ST3GAL2: variants seen among roughly 807,000 people sequenced by gnomAD.
ST3GAL2 encodes ST3 beta-galactoside alpha-2,3-sialyltransferase 2.
Under a neutral mutation model 37.5 loss-of-function variants are expected in ST3GAL2, and 16 were observed. The ratio of observed to expected loss-of-function variants is 0.43; its 90% CI spans 0.29 to 0.65. The LOEUF is 0.65. Ranked by LOEUF, ST3GAL2 falls within the 30% of genes least tolerant of loss-of-function variation. The pLI, the probability that ST3GAL2 is intolerant of heterozygous loss-of-function variation, is 0.17. For synonymous variants in ST3GAL2, 238 were observed against 202.9 expected (o/e 1.17, Z -1.47); for missense variants, 383 against 487.8 (o/e 0.79, Z 2.02).
At position 70,380,488 on chromosome 16, in the gene ST3GAL2, G is replaced by A. The variant is rs1002162853; in HGVS notation, c.*1201C>T. 6.6e-6 allele frequency: 1 copy of A among 152,306 alleles called. No homozygotes were observed. The highest frequency in any genetic ancestry group is 1.5e-5 in the Non-Finnish European group (1 of 68,098). 9.4% of individuals were successfully genotyped at this position (152,306 alleles called of 1,614,324 possible). A position where few individuals can be genotyped will look rare whatever the true frequency, so the allele number is the denominator to read the frequency against. Reference sequence around the variant, plus strand: ...ACCAGCAGCCCCGTCAGGGACCTAAGCTGGGTTCAGCCATGCAAGCAGCTT... The same window carrying A: ...ACCAGCAGCCCCGTCAGGGACCTAAACTGGGTTCAGCCATGCAAGCAGCTT... On this transcript the variant is annotated 3_prime_UTR_variant, in exon 7 of 7. Coordinates refer to ENST00000342907, the MANE Select transcript of ST3GAL2 (RefSeq NM_006927.4).
intron 1 of ST3GAL2, chr16:70,399,914 G>T (rs530952940): frequency 2.6e-5 from 4 of 152,968 alleles, no homozygotes; most frequent in Non-Finnish European, 5.8e-5. Context: ...GCCCCCCACA[G>T]CACTCTCTGG....
intron 1 of ST3GAL2, among the ~76,000 whole-genome samples, chr16:70,437,973 C>T (rs2047837496): frequency 6.6e-6 from 1 of 152,194 alleles, no homozygotes; most frequent in Non-Finnish European, 1.5e-5. Flanking sequence ...TGCCTGCCCC[C>T]AGCACCTCTC....
rs1203781318 is a variant in ST3GAL2 at position 70,438,971 on chromosome 16, G to A, written c.-1026C>T. The A allele has an allele frequency of 7.0e-6, 1 of 143,076 alleles. No individual in the cohort carries two copies. Among genetic ancestry groups the A allele is most frequent in the Admixed American group, 7.1e-5 (1 of 14,032 alleles). The allele number at this position is 143,076 out of a possible 1,614,324, so 8.9% of individuals were successfully genotyped here. Reference sequence around the variant, plus strand: ...CACCTCAGTCAGCGCCCGGCGCCGCGCGGGCCATGCTCGCCGCTCCGGCCG... The same window carrying A: ...CACCTCAGTCAGCGCCCGGCGCCGCACGGGCCATGCTCGCCGCTCCGGCCG... On this transcript the variant is annotated 5_prime_UTR_variant, in exon 1 of 7. Transcript: ENST00000342907.
rs983696631 is a variant in ST3GAL2 at position 70,379,426 on chromosome 16, G to A, written c.*2263C>T. 1 of 152,094 alleles carries A rather than the reference G, an allele frequency of 6.6e-6. No individual in the cohort carries two copies. Among genetic ancestry groups the A allele is most frequent in the African/African-American group, 2.4e-5 (1 of 41,396 alleles). The allele number at this position is 152,094 out of a possible 1,614,324, so 9.4% of individuals were successfully genotyped here. On this transcript the variant is annotated 3_prime_UTR_variant, in exon 7 of 7. Transcript: ENST00000342907. ...TCTCGCCCCTCCCATATCCCCCAACGTTCTCAGCCATTATCAGTCACAGCT... is the reference window on the plus strand; with the variant it reads ...TCTCGCCCCTCCCATATCCCCCAACATTCTCAGCCATTATCAGTCACAGCT...
At chr16:70,417,376 G>A (rs1190145437) in intron 1 of ST3GAL2, among the ~76,000 whole-genome samples, 1 of 151,708 alleles carries the variant, frequency 6.6e-6, no homozygotes. Context: ...CCGGCCTCCA[G>A]GAAGGTTGCG....
chr16:70,412,844 C>T (rs576748463), intron 1 of ST3GAL2, among the ~76,000 whole-genome samples: 3 of 151,594 alleles, frequency 2.0e-5, no homozygotes, highest in African/African-American at 7.3e-5. Flanking sequence ...CTCAGGAGTT[C>T]GAGACCAGCT....
At chr16:70,418,783 C>T (rs75621829) in intron 1 of ST3GAL2, among the ~76,000 whole-genome samples, 1 of 152,240 alleles carries the variant, frequency 6.6e-6, no homozygotes, top group East Asian at 1.9e-4. Context: ...GCTGTCCTCC[C>T]TAGAAGAGGG....
chr16:70,410,360 C>G (rs2047629048), intron 1 of ST3GAL2, among the ~76,000 whole-genome samples: 1 of 146,188 alleles, frequency 6.8e-6, no homozygotes, highest in Non-Finnish European at 1.5e-5. Context: ...ATGCCATTCT[C>G]CTGCCTCAGC....
At position 70,383,284 on chromosome 16, in the gene ST3GAL2, C is replaced by T. The variant is rs776153695; in HGVS notation, c.714-49G>A. 7 of 1,563,484 alleles carry T rather than the reference C, an allele frequency of 4.5e-6. No homozygotes were observed. In the South Asian group the frequency reaches 7.9e-5, roughly 18 times the overall value. The stretch of plus-strand genomic sequence containing the variant: ...TAACATTTCAGGCTGGGCACGGTGG[C>T]TCACACCTGTAATCCCAGCACTTTG... On this transcript the variant is annotated intron_variant, in intron 4 of 6. Transcript: ENST00000342907.
intron 4 of ST3GAL2, among the ~76,000 whole-genome samples, chr16:70,384,194 C>T (rs940392953): frequency 6.6e-6 from 1 of 151,912 alleles, no homozygotes; most frequent in African/African-American, 2.4e-5. Flanking sequence ...GTGATGATAC[C>T]CAAAAGGTAG....
chr16:70,421,744 T>C (rs2047716164), intron 1 of ST3GAL2, among the ~76,000 whole-genome samples: 2 of 152,118 alleles, frequency 1.3e-5, no homozygotes, highest in Admixed American at 6.5e-5. Flanking sequence ...AGTGCTAGGA[T>C]CATGGCTCAC....
intron 1 of ST3GAL2, among the ~76,000 whole-genome samples, chr16:70,434,263 C>A (rs553887699): frequency 2.0e-5 from 3 of 152,148 alleles, no homozygotes; most frequent in East Asian, 3.9e-4. Context: ...ATGGCAAAAC[C>A]CCGTCTCTAG....
Position 70,381,451 on chromosome 16 carries a change from G to C in ST3GAL2, c.*238C>G. ...CGAAGGCCATTGATTGGAGGAGACT[G>C]GACACAGCGCCGGAAGTTTTCCTTG... is the stretch of plus-strand genomic sequence containing the variant. On this transcript the variant is annotated 3_prime_UTR_variant, in exon 7 of 7. Transcript: ENST00000342907. 1.8e-6 allele frequency: 1 copy of C among 564,446 alleles called. No homozygotes were observed. Among genetic ancestry groups the C allele is most frequent in the Non-Finnish European group, 3.1e-6 (1 of 318,228 alleles). 35.0% of individuals were successfully genotyped at this position (564,446 alleles called of 1,614,324 possible).
intron 1 of ST3GAL2, among the ~76,000 whole-genome samples, chr16:70,416,936 G>A (rs533139197): frequency 5.3e-5 from 8 of 152,172 alleles, no homozygotes; most frequent in Non-Finnish European, 2.9e-5. Flanking sequence ...CCTAAGCACC[G>A]CAAGCTGCAG....
At chr16:70,411,396 A>C (rs2047637249) in intron 1 of ST3GAL2, among the ~76,000 whole-genome samples, 1 of 152,062 alleles carries the variant, frequency 6.6e-6, no homozygotes, top group African/African-American at 2.4e-5. Flanking sequence ...AAAAAAAAAA[A>C]AGCAGCAGCA....
At chr16:70,397,952 T>C (rs1292812541) in intron 2 of ST3GAL2, among the ~76,000 whole-genome samples, 1 of 152,250 alleles carries the variant, frequency 6.6e-6, no homozygotes, top group Admixed American at 6.5e-5. Flanking sequence ...CCTGTGTCCC[T>C]GCTGCCTGCC....
At chr16:70,422,494 G>A (rs952225685) in intron 1 of ST3GAL2, among the ~76,000 whole-genome samples, 1 of 152,130 alleles carries the variant, frequency 6.6e-6, no homozygotes, top group Non-Finnish European at 1.5e-5. Flanking sequence ...CAGACAGTTC[G>A]GGAGAGAAAT....
chr16:70,420,402 C>T (rs546230754), intron 1 of ST3GAL2, among the ~76,000 whole-genome samples: 7 of 152,292 alleles, frequency 4.6e-5, no homozygotes, highest in East Asian at 1.9e-4. Flanking sequence ...TCCCTCCCTC[C>T]GCCACCACAG....
chr16:70,386,492 G>A (rs560034193), intron 4 of ST3GAL2, among the ~76,000 whole-genome samples: 7 of 151,694 alleles, frequency 4.6e-5, no homozygotes, highest in African/African-American at 1.7e-4. Context: ...CGCCTGGCCG[G>A]CCACACCCAG....
Sources: gnomAD v4.1 joint callset for allele counts (sites outside exome capture counted in the v4.1 genomes callset) on GRCh38, gnomAD v4.1.1 for gene constraint, MANE v1.5 for transcripts, NCBI Gene and HGNC (gene_info 2026-07-23, HGNC 2026-07-21) for gene names.